Variants in KCNT2 observed in about 807,000 individuals in gnomAD.
KCNT2 encodes potassium sodium-activated channel subfamily T member 2, also known as potassium channel subfamily T member 2.
Under a neutral mutation model 153.8 loss-of-function variants are expected in KCNT2, and 67 were observed. The ratio of observed to expected loss-of-function variants is 0.44; its 90% CI spans 0.36 to 0.53. The LOEUF is 0.53. Ranked by LOEUF, KCNT2 falls within the 20% of genes least tolerant of loss-of-function variation. The pLI is 0.00. For synonymous variants in KCNT2, 500 were observed against 458.8 expected, an observed-to-expected ratio of 1.09 and a Z score of -1.15; for missense variants, 975 against 1,354.8, an observed-to-expected ratio of 0.72 and a Z score of 4.40.
chr1:196,254,537 G>A (rs985799216), intron 26 of KCNT2, among the ~76,000 whole-genome samples: 3 of 151,380 alleles, frequency 2.0e-5, no homozygotes, highest in Admixed American at 6.6e-5. Flanking sequence ...TTGGTAATAC[G>A]TTTTAGGATA....
intron 15 of KCNT2, among the ~76,000 whole-genome samples, chr1:196,341,324 A>C (rs964385435): frequency 1.3e-5 from 2 of 151,982 alleles, no homozygotes; most frequent in African/African-American, 4.8e-5. Context: ...AATTTATTGA[A>C]TATTCTACTG....
chr1:196,292,322 A>G (rs962273855), intron 22 of KCNT2, among the ~76,000 whole-genome samples: 21 of 152,320 alleles, frequency 1.4e-4, no homozygotes, highest in African/African-American at 4.3e-4. Flanking sequence ...AATGTACCTC[A>G]ACATAATATA....
chr1:196,322,991 A>G (rs529785253), intron 19 of KCNT2, among the ~76,000 whole-genome samples: 195 of 152,078 alleles, frequency 1.3e-3, no homozygotes, highest in African/African-American at 4.2e-3. Flanking sequence ...TGAATCAGAT[A>G]TTGCACTAGG....
intron 15 of KCNT2, 120 bp from the exon 16 acceptor site, chr1:196,340,690 C>A: frequency 4.7e-6 from 3 of 640,466 alleles, no homozygotes; most frequent in East Asian, 2.8e-5. Context: ...AGTTCAAGAT[C>A]CTCATTTTTA....
chr1:196,241,700 A>T (rs1481471991), intron 26 of KCNT2, among the ~76,000 whole-genome samples: 1 of 152,058 alleles, frequency 6.6e-6, no homozygotes, highest in Non-Finnish European at 1.5e-5. Flanking sequence ...GAATAGAAAG[A>T]TTTTCAGAAC....
intron 13 of KCNT2, among the ~76,000 whole-genome samples, chr1:196,373,740 G>A (rs1668718897): frequency 6.6e-6 from 1 of 151,828 alleles, no homozygotes; most frequent in African/African-American, 2.4e-5. Flanking sequence ...CAGATAATAT[G>A]TGCCTAGCAT....
At chr1:196,310,357 T>C (rs910610044) in intron 21 of KCNT2, among the ~76,000 whole-genome samples, 2 of 151,850 alleles carry the variant, frequency 1.3e-5, no homozygotes, top group African/African-American at 2.4e-5. Flanking sequence ...TATAAATGTA[T>C]GTAATCTTTC....
chr1:196,561,266 T>A (rs1416968), intron 1 of KCNT2, among the ~76,000 whole-genome samples: 148,978 of 151,518 alleles, frequency 0.98, 73,279 homozygotes, highest in Middle Eastern at 1. Context: ...AGAGAAAAAA[T>A]GGTCAAAGTT....
At chr1:196,517,026 G>A (rs1054392782) in intron 1 of KCNT2, among the ~76,000 whole-genome samples, 1 of 152,112 alleles carries the variant, frequency 6.6e-6, no homozygotes, top group Admixed American at 6.6e-5. Flanking sequence ...ACAACTCCTG[G>A]GAGAGAGCTC....
intron 14 of KCNT2, among the ~76,000 whole-genome samples, chr1:196,360,632 C>T (rs528178218): frequency 4.6e-5 from 7 of 151,668 alleles, no homozygotes; most frequent in South Asian, 2.1e-4. Context: ...TGGTGTCTTC[C>T]GAAGAAGAGG....
chr1:196,240,535 A>T (rs1333715310), intron 26 of KCNT2, among the ~76,000 whole-genome samples: 2 of 152,100 alleles, frequency 1.3e-5, no homozygotes, highest in African/African-American at 4.8e-5. Context: ...AAAAACAATT[A>T]TATATGTATT....
intron 13 of KCNT2, among the ~76,000 whole-genome samples, chr1:196,390,527 C>T (rs182409805): frequency 1.9e-4 from 29 of 151,530 alleles, no homozygotes; most frequent in African/African-American, 6.8e-4. Flanking sequence ...ATAGCACTCT[C>T]CATATCTTTC....
intron 23 of KCNT2, among the ~76,000 whole-genome samples, chr1:196,285,333 T>A (rs1417317379): frequency 6.6e-6 from 1 of 152,214 alleles, no homozygotes; most frequent in African/African-American, 2.4e-5. Context: ...AATTTTTTTT[T>A]ACCTTTTTAA....
chr1:196,549,300 T>C (rs910158156), intron 1 of KCNT2, among the ~76,000 whole-genome samples: 10 of 151,954 alleles, frequency 6.6e-5, no homozygotes, highest in African/African-American at 2.4e-4. Flanking sequence ...CAAAGTGAAT[T>C]ATGATGTGGG....
chr1:196,561,259 G>GA (rs1369541818), intron 1 of KCNT2, among the ~76,000 whole-genome samples: 1 of 150,694 alleles, frequency 6.6e-6, no homozygotes, highest in African/African-American at 2.4e-5. Context: ...AGTTTAAAGA[G>GA]AAAAAATGGT....
intron 5 of KCNT2, among the ~76,000 whole-genome samples, chr1:196,474,577 T>C (rs1678371362): frequency 6.6e-6 from 1 of 152,204 alleles, no homozygotes; most frequent in African/African-American, 2.4e-5. Context: ...AAATTGTTGC[T>C]TTTTGTAATG....
intron 8 of KCNT2, among the ~76,000 whole-genome samples, chr1:196,450,595 T>C (rs1676072880): frequency 1.3e-5 from 2 of 151,962 alleles, no homozygotes; most frequent in Middle Eastern, 6.8e-3. Context: ...ACCTTATATC[T>C]AGTTTGTAAT....
chr1:196,575,684 C>A (rs915141769), intron 1 of KCNT2, among the ~76,000 whole-genome samples: 1 of 149,088 alleles, frequency 6.7e-6, no homozygotes, highest in Non-Finnish European at 1.5e-5. Flanking sequence ...GAACTGTCTT[C>A]TCAGTTTAAA....
chr1:196,420,425 A>T (rs1398281667), intron 12 of KCNT2, among the ~76,000 whole-genome samples: 1 of 151,636 alleles, frequency 6.6e-6, no homozygotes, highest in African/African-American at 2.4e-5. Flanking sequence ...AATGTCCTCA[A>T]ATCCCTATGT....
Sources: gnomAD v4.1 joint callset for allele counts (sites outside exome capture counted in the v4.1 genomes callset) on GRCh38, gnomAD v4.1.1 for gene constraint, MANE v1.5 for transcripts, NCBI Gene and HGNC (gene_info 2026-07-23, HGNC 2026-07-21) for gene names.